The following MTOR variants were observed in gnomAD, a reference collection of about 807,000 sequenced individuals.
MTOR encodes mechanistic target of rapamycin kinase, also known as serine/threonine-protein kinase mTOR.
MTOR carries 70 observed loss-of-function variants against 319.8 expected under a neutral mutation model. The observed-to-expected ratio is 0.22, with a 90% CI of 0.18 to 0.27. MTOR has a LOEUF of 0.27. MTOR is among the 10% of genes least tolerant of loss of function. The pLI is 1.00. For missense variants in MTOR, 1,890 were observed against 3,274.4 expected (o/e 0.58, Z 10.32); for synonymous variants, 1,183 against 1,211.4 (o/e 0.98, Z 0.49).
intron 28 of MTOR, chr1:11,195,993 T>C (rs966231411): frequency 4.6e-5 from 7 of 152,236 alleles, no homozygotes; most frequent in African/African-American, 1.7e-4. Context: ...TATCTTCTTT[T>C]TAAATTCTTA....
At chr1:11,234,312 T>C in intron 13 of MTOR, 47 bp from the exon 14 acceptor site, 1 of 1,557,900 alleles carries the variant, frequency 6.4e-7, no homozygotes, top group Non-Finnish European at 8.7e-7. Flanking sequence ...GAAGACATTC[T>C]AGAGAGAGAC....
Position 11,128,701 on chromosome 1 carries a change from A to T in MTOR, c.5812-149T>A, listed in dbSNP as rs1417385662. 9.6e-7 allele frequency: 1 copy of T among 1,038,148 alleles called. No individual in the cohort carries two copies. Among genetic ancestry groups the T allele is most frequent in the African/African-American group, 1.6e-5 (1 of 62,276 alleles). The allele number at this position is 1,038,148 out of a possible 1,614,324, so 64.3% of individuals were successfully genotyped here. Reference sequence around the variant, plus strand: ...CTTTAGTTTCTAAAAGAAAATAAAGAAAATATGGACACTTGACACTGGGAC... The same window carrying T: ...CTTTAGTTTCTAAAAGAAAATAAAGTAAATATGGACACTTGACACTGGGAC... On this transcript the variant is annotated intron_variant, in intron 41 of 57. Coordinates refer to ENST00000361445, the MANE Select transcript of MTOR (RefSeq NM_004958.4). This position sits in a 1 kb window ranked among gnomAD's most constrained non-coding sequence, Gnocchi z 5.3.
In MTOR at chr1:11,259,214, T is replaced by A. The variant is rs1224847306; in HGVS notation, c.162+34A>T. ...AGTGATGGTACATTTAGCCCACACA[T>A]CCCACAATGACTGGCCCCAGATCCC... On this transcript the variant is annotated intron_variant, in intron 2 of 57. Coordinates refer to ENST00000361445, the MANE Select transcript of MTOR (RefSeq NM_004958.4). 4.4e-6 allele frequency: 7 copies of A among 1,605,998 alleles called. No homozygotes were observed. In the South Asian group the frequency reaches 5.6e-5, roughly 13 times the overall value.
rs1643279092 is a variant in MTOR, at chr1:11,133,895, A to G, written c.5246+456T>C. ...GGCAACATTAAACTTGTAGGAGGAA[A>G]TGCAGGCTCTATGCCTGTTCTTTTG... On this transcript the variant is annotated intron_variant, in intron 37 of 57. Coordinates refer to ENST00000361445, the MANE Select transcript of MTOR (RefSeq NM_004958.4). This position sits in a 1 kb window ranked among gnomAD's most constrained non-coding sequence, Gnocchi z 4.0. Among the ~76,000 whole-genome samples, 1 of 152,162 alleles carries G rather than the reference A, an allele frequency of 6.6e-6. No homozygotes were observed. The highest frequency in any genetic ancestry group is 2.4e-5 in the African/African-American group (1 of 41,438).
chr1:11,159,740 TG>T (rs1472572000), intron 29 of MTOR, among the ~76,000 whole-genome samples: 2 of 152,190 alleles, frequency 1.3e-5, no homozygotes, highest in African/African-American at 4.8e-5. Flanking sequence ...AAATGCTAGA[TG>T]ATCAAACAAA....
chr1:11,134,060 TAAA>T (rs76348058), intron 37 of MTOR, among the ~76,000 whole-genome samples: 4 of 143,170 alleles, frequency 2.8e-5, no homozygotes, highest in African/African-American at 1.0e-4. Context: ...AAGACCATCT[TAAA>T]AAAAAAAAAG....
Position 11,207,409 on chromosome 1 carries a change from CT to C in MTOR, c.3801+1902del, listed in dbSNP as rs386366225. 2.0e-3 allele frequency among the ~76,000 whole-genome samples: 227 copies of C among 114,162 alleles called. 1 individual carries two copies. The highest frequency in any genetic ancestry group is 2.8e-3 in the Non-Finnish European group (162 of 58,700). The allele number at this position is 114,162 out of a possible 152,430, so 74.9% of individuals were successfully genotyped here. A position where few individuals can be genotyped will look rare whatever the true frequency, so the allele number is the denominator to read the frequency against. On this transcript the variant is annotated intron_variant, in intron 25 of 57. Transcript: ENST00000361445. Reference sequence around the variant, plus strand: ...AGCCACTGCACCTGGCCCCCTACCTCTTTTTTTTTTTTTTTTTTGAAGAGAA... The same window carrying C: ...AGCCACTGCACCTGGCCCCCTACCTCTTTTTTTTTTTTTTTTTGAAGAGAA...
chr1:11,158,640 CTTAGAAAA>C (rs1644386754), intron 29 of MTOR, among the ~76,000 whole-genome samples: 1 of 151,616 alleles, frequency 6.6e-6, no homozygotes. Flanking sequence ...AAATAGGAAA[CTTAGAAAA>C]GAGTGACTAC....
Position 11,115,572 on chromosome 1 carries a change from C to A in MTOR, c.7017-104G>T. ...AAGCTAGGAGTTGGCAAACGATAGC[C>A]CTCAGCCAATCCAGCCCCTCCACCT... On this transcript the variant is annotated intron_variant, in intron 50 of 57. Transcript: ENST00000361445. The surrounding 1 kb of genome is among the most constrained non-coding windows in gnomAD (Gnocchi z 4.5). 1 of 1,069,984 alleles carries A rather than the reference C, an allele frequency of 9.3e-7. No homozygotes were observed. Among genetic ancestry groups the A allele is most frequent in the Non-Finnish European group, 1.4e-6 (1 of 697,788 alleles). 66.3% of individuals were successfully genotyped at this position (1,069,984 alleles called of 1,614,324 possible). A position where few individuals can be genotyped will look rare whatever the true frequency, so the allele number is the denominator to read the frequency against.
chr1:11,125,439 C>T (rs1354115125), intron 46 of MTOR, among the ~76,000 whole-genome samples: 2 of 151,902 alleles, frequency 1.3e-5, no homozygotes, highest in African/African-American at 4.8e-5. Flanking sequence ...TTATTAAGAG[C>T]GAGAGGTGAG....
intron 26 of MTOR, among the ~76,000 whole-genome samples, chr1:11,202,867 C>T (rs150532083): frequency 0.011 from 1,698 of 152,142 alleles, 65 homozygotes; most frequent in South Asian, 0.066. Context: ...GAGATCGTCC[C>T]ACTGCACTCC....
chr1:11,134,226 C>T (rs1286783404), intron 37 of MTOR, 125 bp downstream of exon 37: 1 of 781,114 alleles, frequency 1.3e-6, no homozygotes, highest in South Asian at 1.7e-5. Flanking sequence ...GGGATCCCTA[C>T]TGGAAAAGGA....
chr1:11,256,580 A>C (rs1450709511), intron 4 of MTOR, among the ~76,000 whole-genome samples: 1 of 152,226 alleles, frequency 6.6e-6, no homozygotes, highest in Admixed American at 6.5e-5. Flanking sequence ...TGACAGAGGA[A>C]GAAACTGAAG....
At chr1:11,258,873 T>C (rs1294295513) in intron 2 of MTOR, among the ~76,000 whole-genome samples, 5 of 152,248 alleles carry the variant, frequency 3.3e-5, no homozygotes, top group African/African-American at 4.8e-5. Context: ...AACAAGATAC[T>C]GTCTCTGACC....
chr1:11,238,673 G>T, intron 11 of MTOR, 56 bp from the exon 12 acceptor site: 1 of 1,469,512 alleles, frequency 6.8e-7, no homozygotes. Flanking sequence ...AGACAGGTAG[G>T]TCTGCAGCTT....
In MTOR at chr1:11,210,834, G is replaced by A. The variant is rs1646287719; in HGVS notation, c.3634C>T (p.Leu1212Phe). Residue 1212 changes from leucine (L) to phenylalanine (F), a missense_variant, in exon 24 of 58, where the codon CTC becomes TTC. Transcript: ENST00000361445. ...HRINHQRYDVLICRIVKGYTL... is the reference protein window; with the variant it reads ...HRINHQRYDVFICRIVKGYTL... ...TTCACCTTGACAATTCTGCAGATGA[G>A]CACATCATAGCGCTGATGATTGATT... The A allele has an allele frequency of 1.9e-6, 3 of 1,612,238 alleles. No individual in the cohort carries two copies. The African/African-American group carries it at 4.0e-5, about 21-fold the overall frequency.
rs769269699 is a variant in MTOR at position 11,234,274 on chromosome 1, A to G, written c.2209-9T>C. On this transcript the variant is annotated splice_polypyrimidine_tract_variant and intron_variant, in intron 13 of 57. Coordinates refer to ENST00000361445, the MANE Select transcript of MTOR (RefSeq NM_004958.4). ...TCCAACTCTGTCAAAATCTGTAGGGAAGAAAGGCTCATATGTTCTCTATGG... is the reference window on the plus strand; with the variant it reads ...TCCAACTCTGTCAAAATCTGTAGGGGAGAAAGGCTCATATGTTCTCTATGG... 1.2e-6 allele frequency: 2 copies of G among 1,608,334 alleles called. No homozygotes were observed. The highest frequency in any genetic ancestry group is 1.7e-6 in the Non-Finnish European group (2 of 1,177,384).
intron 8 of MTOR, among the ~76,000 whole-genome samples, chr1:11,244,104 C>G (rs976249786): frequency 1.3e-5 from 2 of 151,438 alleles, no homozygotes; most frequent in African/African-American, 2.4e-5. Flanking sequence ...ACCAGCCTAA[C>G]CAACATAAAG....
At position 11,130,557 on chromosome 1, in the gene MTOR, G is replaced by T; in HGVS notation, c.5585C>A (p.Pro1862Gln). The T allele has an allele frequency of 1.2e-6, 2 of 1,613,526 alleles. No individual in the cohort carries two copies. The highest frequency in any genetic ancestry group is 8.5e-7 in the Non-Finnish European group (1 of 1,179,916). The change falls in exon 39 of 58, where the codon CCA becomes CAA. Residue 1862 changes from proline to glutamine, a missense_variant. By Grantham distance (76) the Pro-to-Gln change is moderately conservative (BLOSUM62 -1). Coordinates refer to ENST00000361445, the MANE Select transcript of MTOR (RefSeq NM_004958.4). ...AGTGACCTTCTTCTGCAGCGGCGAT[G>T]GGGTGGGGCTGTTCTCGGTGCTCTC... Reference protein sequence around the residue: ...EAESTENSPTPSPLQKKVTED... With the variant: ...EAESTENSPTQSPLQKKVTED...
Sources: allele counts gnomAD v4.1 joint callset (sites outside exome capture counted in the v4.1 genomes callset), GRCh38; gene constraint gnomAD v4.1.1; non-coding constraint Gnocchi (gnomAD v3.1); transcripts MANE v1.5; gene names NCBI Gene and HGNC (gene_info 2026-07-23, HGNC 2026-07-21).